The following SORBS3 variants were observed in gnomAD, a reference collection of about 807,000 sequenced individuals.
The protein encoded by SORBS3 is sorbin and SH3 domain containing 3.
In SORBS3, 69 loss-of-function variants were observed where a neutral mutation model predicts 98.0. That is an observed-to-expected ratio of 0.70 (90% CI 0.58 to 0.86). SORBS3 has a LOEUF of 0.86. Among genes scored for constraint, SORBS3 ranks in the 40% least tolerant of loss-of-function variants. The probability of loss-of-function intolerance (pLI) is 0.00; values close to 1 mark genes in which losing one functional copy is unlikely to be tolerated. For synonymous variants in SORBS3, 394 were observed against 355.4 expected, an observed-to-expected ratio of 1.11 and a Z score of -1.22; for missense variants, 954 against 908.5, an observed-to-expected ratio of 1.05 and a Z score of -0.64.
At chr8:22,567,849 T>TC (rs71546819) in intron 16 of SORBS3, among the ~76,000 whole-genome samples, 1 of 41,368 alleles carries the variant, frequency 2.4e-5, no homozygotes, top group East Asian at 4.2e-4. Context: ...CTTCTCTTTC[T>TC]TTTTTTTTTT....
intron 17 of SORBS3, 144 bp from the exon 18 acceptor site, chr8:22,570,766 T>G: frequency 2.9e-6 from 2 of 695,540 alleles, no homozygotes; most frequent in South Asian, 2.0e-5. Context: ...TCTTACCGTG[T>G]GACTCGGGTA....
At chr8:22,551,757 C>G (rs980434216), upstream of SORBS3, 2 of 984,818 alleles carry the variant, frequency 2.0e-6, no homozygotes, top group African/African-American at 3.5e-5. This position sits in a 1 kb window ranked among gnomAD's most constrained non-coding sequence, Gnocchi z 5.8. Flanking sequence ...AGCCCCGGCC[C>G]GCAGTCCAGA....
Position 22,569,116 on chromosome 8 carries a change from C to T in SORBS3, c.1306-32C>T, listed in dbSNP as rs764024315. ...AGCCTGTGCTATGTTGATGCCCAGG[C>T]CAAATCTTTCTCATGACCTTTCTTC... is the stretch of plus-strand genomic sequence containing the variant. On this transcript the variant is annotated intron_variant, in intron 16 of 20. Coordinates refer to ENST00000240123, the MANE Select transcript of SORBS3 (RefSeq NM_005775.5). The T allele has an allele frequency of 1.9e-6, 3 of 1,591,322 alleles. No individual in the cohort carries two copies. In the South Asian group the frequency reaches 3.4e-5, roughly 18 times the overall value.
Position 22,554,621 on chromosome 8 carries a change from G to C in SORBS3, c.102+13G>C, listed in dbSNP as rs760494255. The C allele has an allele frequency of 1.9e-6, 3 of 1,608,220 alleles. No individual in the cohort carries two copies. The highest frequency in any genetic ancestry group is 2.7e-5 in the African/African-American group (2 of 74,864). On this transcript the variant is annotated intron_variant, in intron 2 of 20. Transcript: ENST00000240123. The surrounding 1 kb of genome is among the most constrained non-coding windows in gnomAD (Gnocchi z 6.5). ...CCGGGGGACACGGGTGAGTGAGTCA[G>C]TAGGGAGGAGGGTGTCCTGCGGGCC...
chr8:22,564,002 C>T lies in SORBS3; in HGVS notation c.600C>T (p.His200=). The T allele has an allele frequency of 6.2e-7, 1 of 1,613,820 alleles. No individual in the cohort carries two copies. Among genetic ancestry groups the T allele is most frequent in the Non-Finnish European group, 8.5e-7 (1 of 1,179,816 alleles). ...ATSSSGRSWD[H]SEELPRSTFN... ...CTTTCTTTAGAAGAAGCTGGGACCA[C>T]TCTGAAGAGTTACCTAGAAGCACCT... The change falls in exon 8 of 21, where the codon CAC becomes CAT. Residue 200 remains histidine, a synonymous_variant. Transcript: ENST00000240123.
In SORBS3 at chr8:22,556,809, C is replaced by T. The variant is rs758529477; in HGVS notation, c.315C>T (p.Ala105=). Residue 105 remains alanine (A), a synonymous_variant, in exon 4 of 21, where the codon GCC becomes GCT. Coordinates refer to ENST00000240123, the MANE Select transcript of SORBS3 (RefSeq NM_005775.5). The part of the protein sequence containing the change: ...PASQHTQNWS[A]TWTKDSKRRD... The stretch of plus-strand genomic sequence containing the variant: ...CCCAGCACACCCAGAACTGGTCAGC[C>T]ACGTGGACCAAGGACAGCAAGCGTC... The T allele has an allele frequency of 5.0e-6, 8 of 1,613,648 alleles. No individual in the cohort carries two copies. Among genetic ancestry groups the T allele is most frequent in the Non-Finnish European group, 6.8e-6 (8 of 1,180,044 alleles).
chr8:22,564,945 G>C, intron 10 of SORBS3: 2 of 1,306,818 alleles, frequency 1.5e-6, no homozygotes, highest in Non-Finnish European at 2.0e-6. Flanking sequence ...TGGAGGGCGG[G>C]AGAAGATGGG....
chr8:22,549,338 C>T (rs1840049748), upstream of SORBS3, among the ~76,000 whole-genome samples: 1 of 152,196 alleles, frequency 6.6e-6, no homozygotes, highest in African/African-American at 2.4e-5. Flanking sequence ...CTAGGACAAT[C>T]TTCCCAGCCT....
At chr8:22,561,474 A>G in intron 6 of SORBS3, 101 bp downstream of exon 6, 2 of 1,293,138 alleles carry the variant, frequency 1.5e-6, no homozygotes, top group Non-Finnish European at 1.1e-6. Flanking sequence ...GGGGCTCTCC[A>G]GTTGGCTCAG....
At chr8:22,551,668 T>G, upstream of SORBS3, 12 of 936,270 alleles carry the variant, frequency 1.3e-5, no homozygotes, top group Non-Finnish European at 1.5e-5. This position sits in a 1 kb window ranked among gnomAD's most constrained non-coding sequence, Gnocchi z 5.8. Context: ...CGGCCAGGCC[T>G]CCTCGGCAGG....
intron 5 of SORBS3, chr8:22,561,011 G>T (rs1388822734): frequency 1.3e-5 from 4 of 314,016 alleles, no homozygotes; most frequent in Admixed American, 5.0e-5. Context: ...GGTGCAAGTC[G>T]AGTTTCCCCA....
Position 22,551,972 on chromosome 8 carries a change from C to G in SORBS3, c.-106C>G. On this transcript the variant is annotated 5_prime_UTR_variant, in exon 1 of 21. Transcript: ENST00000240123. This position sits in a 1 kb window ranked among gnomAD's most constrained non-coding sequence, Gnocchi z 5.8. Reference sequence around the variant, plus strand: ...GCCAGGCAGCAGCCGGGCAGGGATGCTCCTGCGCTCCCGGGCGGCCTCGGG... The same window carrying G: ...GCCAGGCAGCAGCCGGGCAGGGATGGTCCTGCGCTCCCGGGCGGCCTCGGG... 1.0e-6 allele frequency: 1 copy of G among 985,360 alleles called. No homozygotes were observed. 61.0% of individuals were successfully genotyped at this position (985,360 alleles called of 1,614,324 possible). A position where few individuals can be genotyped will look rare whatever the true frequency, so the allele number is the denominator to read the frequency against.
chr8:22,565,552 A>G, intron 11 of SORBS3, 198 bp downstream of exon 11: 1 of 577,756 alleles, frequency 1.7e-6, no homozygotes, highest in Non-Finnish European at 2.6e-6. Context: ...CGACTTTCGC[A>G]AGTGACCCCG....
chr8:22,563,687 C>T (rs1009955216), intron 7 of SORBS3, among the ~76,000 whole-genome samples: 24 of 152,176 alleles, frequency 1.6e-4, no homozygotes, highest in Admixed American at 1.2e-3. Context: ...GGCCTTCTCC[C>T]GGGCACCTCA....
At position 22,574,764 on chromosome 8, in the gene SORBS3, G is replaced by C; in HGVS notation, c.*36G>C. 6.2e-7 allele frequency: 1 copy of C among 1,604,380 alleles called. No individual in the cohort carries two copies. The highest frequency in any genetic ancestry group is 8.5e-7 in the Non-Finnish European group (1 of 1,171,612). On this transcript the variant is annotated 3_prime_UTR_variant, in exon 21 of 21. Transcript: ENST00000240123. Reference sequence around the variant, plus strand: ...TGGCAACTTGGAGCCAGCCAGGATGGGGTGGGGAGCGGTGGCACTCGTGGG... The same window carrying C: ...TGGCAACTTGGAGCCAGCCAGGATGCGGTGGGGAGCGGTGGCACTCGTGGG...
rs567542955 is a variant in SORBS3 at position 22,568,189 on chromosome 8, G to A, written c.1306-959G>A. Reference sequence around the variant, plus strand: ...TTCATTCCTGATGTTGGCAATTTGCGTCTTCTCTTATTCTGTCTAGAGCTT... The same window carrying A: ...TTCATTCCTGATGTTGGCAATTTGCATCTTCTCTTATTCTGTCTAGAGCTT... On this transcript the variant is annotated intron_variant, in intron 16 of 20. Transcript: ENST00000240123. Among the ~76,000 whole-genome samples the A allele has an allele frequency of 8.5e-5, 13 of 152,222 alleles. No homozygotes were observed. In the South Asian group the frequency reaches 2.3e-3, roughly 27 times the overall value.
In SORBS3 at chr8:22,554,347, C is replaced by G; in HGVS notation, c.-55-105C>G. Reference sequence around the variant, plus strand: ...TGAGCTAGTACCCAGCTGGTCCTGACCCCCTCCCACAGCCGGCCCCTCCTC... The same window carrying G: ...TGAGCTAGTACCCAGCTGGTCCTGAGCCCCTCCCACAGCCGGCCCCTCCTC... On this transcript the variant is annotated intron_variant, in intron 1 of 20. Transcript: ENST00000240123. This position sits in a 1 kb window ranked among gnomAD's most constrained non-coding sequence, Gnocchi z 6.5. 1 of 1,218,916 alleles carries G rather than the reference C, an allele frequency of 8.2e-7. No individual in the cohort carries two copies. The highest frequency in any genetic ancestry group is 1.6e-5 in the South Asian group (1 of 62,958). 75.5% of individuals were successfully genotyped at this position (1,218,916 alleles called of 1,614,324 possible). A position where few individuals can be genotyped will look rare whatever the true frequency, so the allele number is the denominator to read the frequency against.
chr8:22,571,826 G>A lies in SORBS3; in HGVS notation c.1847+5G>A. 6 of 1,594,456 alleles carry A rather than the reference G, an allele frequency of 3.8e-6. No homozygotes were observed. Among genetic ancestry groups the A allele is most frequent in the Non-Finnish European group, 5.2e-6 (6 of 1,162,362 alleles). On this transcript the variant is annotated splice_donor_5th_base_variant and intron_variant, in intron 19 of 20. Coordinates refer to ENST00000240123, the MANE Select transcript of SORBS3 (RefSeq NM_005775.5). Reference sequence around the variant, plus strand: ...CTCTCAGATACACTGGACCCCGTGAGTACCATCTGAGGGCTCTTGATCAGA... The same window carrying A: ...CTCTCAGATACACTGGACCCCGTGAATACCATCTGAGGGCTCTTGATCAGA...
intron 5 of SORBS3, among the ~76,000 whole-genome samples, chr8:22,560,074 A>G (rs1586894348): frequency 6.7e-6 from 1 of 149,514 alleles, no homozygotes; most frequent in Admixed American, 6.7e-5. Flanking sequence ...AAAAAAAAAG[A>G]AGAGAGAGAT....
Sources: gnomAD v4.1 joint callset for allele counts (sites outside exome capture counted in the v4.1 genomes callset) on GRCh38, gnomAD v4.1.1 for gene constraint, Gnocchi (gnomAD v3.1) non-coding constraint, MANE v1.5 for transcripts, NCBI Gene and HGNC (gene_info 2026-07-23, HGNC 2026-07-21) for gene names.